ENOX2: variants seen among roughly 807,000 people sequenced by gnomAD.
The protein encoded by ENOX2 is ecto-NOX disulfide-thiol exchanger 2, also known as APK1 antigen.
A neutral mutation model predicts 45.0 loss-of-function variants in ENOX2; 36 were observed. The ratio of observed to expected loss-of-function variants is 0.80; its 90% CI spans 0.61 to 1.06. The LOEUF (loss-of-function observed/expected upper bound fraction) is 1.06, where lower values mean the gene tolerates loss of function less well. Among genes scored for constraint, ENOX2 ranks in the 50% least tolerant of loss-of-function variants. The pLI is 0.00. For synonymous variants in ENOX2, 174 were observed against 152.3 expected (o/e 1.14, Z -1.05); for missense variants, 423 against 462.5 (o/e 0.91, Z 0.78).
intron 2 of ENOX2, among the ~76,000 whole-genome samples, chrX:130,889,374 C>T (rs907614922): frequency 2.7e-5 from 3 of 112,261 alleles, no homozygotes; most frequent in African/African-American, 9.7e-5. Context: ...CAAACAAGTG[C>T]CCATCCTACT....
intron 6 of ENOX2, among the ~76,000 whole-genome samples, chrX:130,675,106 T>G (rs2037108454): frequency 9.2e-6 from 1 of 109,098 alleles, no homozygotes; most frequent in South Asian, 4.1e-4. Context: ...TATAGCAGCA[T>G]GATTTATAGT....
chrX:130,786,388 T>A (rs1015408950), intron 2 of ENOX2, among the ~76,000 whole-genome samples: 2 of 105,066 alleles, frequency 1.9e-5, no homozygotes, highest in Admixed American at 1.0e-4. Context: ...ACAGAAAAAC[T>A]TTTTTTTTTT....
At chrX:130,868,738 A>C (rs1038994487) in intron 2 of ENOX2, among the ~76,000 whole-genome samples, 2 of 111,676 alleles carry the variant, frequency 1.8e-5, no homozygotes, top group African/African-American at 6.5e-5. Context: ...ATGCAGACTT[A>C]TTTCCTGACC....
intron 2 of ENOX2, among the ~76,000 whole-genome samples, chrX:130,841,486 C>T (rs1172069009): frequency 8.9e-6 from 1 of 111,897 alleles, no homozygotes; most frequent in Non-Finnish European, 1.9e-5. Flanking sequence ...ACATGATTTC[C>T]CAATAATCCT....
chrX:130,626,482 T>C (rs749017364), intron 14 of ENOX2, among the ~76,000 whole-genome samples: 1 of 112,622 alleles, frequency 8.9e-6, no homozygotes, highest in South Asian at 3.7e-4. Flanking sequence ...ACTTGCACTT[T>C]ACTAGATTTC....
chrX:130,746,910 T>G (rs1214332652), intron 3 of ENOX2, among the ~76,000 whole-genome samples: 4 of 112,321 alleles, frequency 3.6e-5, no homozygotes, highest in African/African-American at 1.3e-4. Context: ...AAGTCAGAGA[T>G]GAGTAAACGT....
intron 2 of ENOX2, among the ~76,000 whole-genome samples, chrX:130,823,728 C>T (rs749563961): frequency 3.6e-5 from 4 of 111,735 alleles, no homozygotes. Flanking sequence ...ACTATCCTCA[C>T]TCCCTCTTCC....
intron 2 of ENOX2, among the ~76,000 whole-genome samples, chrX:130,800,973 A>C (rs775357340): frequency 3.0e-4 from 34 of 112,583 alleles, no homozygotes; most frequent in Non-Finnish European, 6.2e-4. Flanking sequence ...CTTCAAATGA[A>C]TAGTACAATC....
Position 130,656,633 on chromosome X carries a change from C to A in ENOX2, c.1077G>T (p.Met359Ile). The stretch of plus-strand genomic sequence containing the variant: ...TCATTTCTTCTATTTCATCATCAGA[C>A]ATTTCCATTTCTTCTTCTCGCCTGA... The part of the protein sequence containing the change: ...MGIRREEEME[M>I]SDDEIEEMTE... Residue 359 changes from methionine to isoleucine, a missense_variant, in exon 10 of 15, where the codon ATG (methionine) becomes ATT (isoleucine). Physicochemically the swap from Met to Ile is conservative, Grantham distance 10. Coordinates refer to ENST00000394363, the MANE Select transcript of ENOX2 (RefSeq NM_006375.4). 1 of 1,179,553 alleles carries A rather than the reference C, an allele frequency of 8.5e-7. No individual in the cohort carries two copies. Among genetic ancestry groups the A allele is most frequent in the Non-Finnish European group, 1.1e-6 (1 of 869,821 alleles).
intron 2 of ENOX2, among the ~76,000 whole-genome samples, chrX:130,888,270 C>T (rs764485657): frequency 8.0e-5 from 9 of 112,333 alleles, no homozygotes; most frequent in Non-Finnish European, 1.5e-4. Context: ...TTCAGTTTTA[C>T]TCATCCACTA....
At chrX:130,864,919 C>T (rs12845964) in intron 2 of ENOX2, among the ~76,000 whole-genome samples, 51 of 110,638 alleles carry the variant, frequency 4.6e-4, no homozygotes, top group Non-Finnish European at 8.5e-4. Flanking sequence ...GACTGAGGCA[C>T]GAGAATTGCT....
chrX:130,703,287 G>C (rs1187191943), intron 3 of ENOX2, 33 bp from the exon 4 acceptor site: 8 of 1,163,967 alleles, frequency 6.9e-6, no homozygotes, highest in Non-Finnish European at 9.2e-6. Context: ...ATAATTTGTT[G>C]TGTTAAGGTT....
chrX:130,839,666 T>C (rs2077982416), intron 2 of ENOX2, among the ~76,000 whole-genome samples: 1 of 111,363 alleles, frequency 9.0e-6, no homozygotes, highest in Non-Finnish European at 1.9e-5. Flanking sequence ...CATTTACAAT[T>C]GAGTTACAAC....
intron 6 of ENOX2, among the ~76,000 whole-genome samples, chrX:130,679,207 AACACCATGGC>A (rs1361639943): frequency 9.0e-6 from 1 of 110,836 alleles, no homozygotes; most frequent in African/African-American, 3.3e-5. Flanking sequence ...AAAGGCATAA[AACACCATGGC>A]ACATTCTGGG....
intron 10 of ENOX2, among the ~76,000 whole-genome samples, chrX:130,640,846 C>T (rs921299260): frequency 2.7e-5 from 3 of 111,228 alleles, no homozygotes; most frequent in African/African-American, 9.8e-5. Flanking sequence ...GTGCAGCAAA[C>T]CACAATGGCA....
At chrX:130,836,528 A>C (rs1468669840) in intron 2 of ENOX2, among the ~76,000 whole-genome samples, 4 of 111,284 alleles carry the variant, frequency 3.6e-5, no homozygotes, top group Non-Finnish European at 7.5e-5. Context: ...CAGCAGTCTG[A>C]GGAGCAACTG....
chrX:130,633,178 C>G (rs1388472266), intron 12 of ENOX2, among the ~76,000 whole-genome samples: 1 of 111,934 alleles, frequency 8.9e-6, no homozygotes, highest in South Asian at 3.8e-4. Flanking sequence ...AGACATAAGT[C>G]ACACTGTTAT....
intron 2 of ENOX2, among the ~76,000 whole-genome samples, chrX:130,871,307 T>C (rs2078584143): frequency 9.0e-6 from 1 of 111,708 alleles, no homozygotes. Context: ...TGGAGAATAC[T>C]AAACAAAGGA....
At chrX:130,859,961 A>ATT (rs201407685) in intron 2 of ENOX2, among the ~76,000 whole-genome samples, 13 of 100,020 alleles carry the variant, frequency 1.3e-4, no homozygotes, top group South Asian at 4.5e-4. Context: ...CTCCGAAACT[A>ATT]TTTTTTTTTT....
Sources: gnomAD v4.1 joint callset for allele counts (sites outside exome capture counted in the v4.1 genomes callset) on GRCh38, gnomAD v4.1.1 for gene constraint, MANE v1.5 for transcripts, NCBI Gene and HGNC (gene_info 2026-07-23, HGNC 2026-07-21) for gene names.